Variants in KIF16B observed in about 807,000 individuals in gnomAD.
The protein encoded by KIF16B is kinesin-like protein KIF16B.
A neutral mutation model predicts 156.3 loss-of-function variants in KIF16B; 98 were observed. The ratio of observed to expected loss-of-function variants is 0.63; its 90% CI spans 0.53 to 0.74. The LOEUF is 0.74. Among genes scored for constraint, KIF16B ranks in the 30% least tolerant of loss-of-function variants. The pLI is 0.00. For missense variants in KIF16B, 1,421 were observed against 1,606.5 expected (o/e 0.88, Z 1.97); for synonymous variants, 564 against 583.7 (o/e 0.97, Z 0.49).
chr20:16,501,269 TTGAATTCTTGGTTCAATACCAAG>T, intron 10 of KIF16B, among the ~76,000 whole-genome samples: 1 of 59,732 alleles, frequency 1.7e-5, no homozygotes, highest in African/African-American at 4.4e-5. Context: ...ACACCAAGAA[TTGAATTCTTGGTTCAATACCAAG>T]AATTGAATTC....
At chr20:16,541,825 G>A (rs1318064788) in intron 1 of KIF16B, among the ~76,000 whole-genome samples, 1 of 152,200 alleles carries the variant, frequency 6.6e-6, no homozygotes, top group Non-Finnish European at 1.5e-5. Flanking sequence ...GGCAGTCCTG[G>A]GGCTAGCGTG....
chr20:16,564,456 G>T (rs898069393), intron 1 of KIF16B, among the ~76,000 whole-genome samples: 3 of 151,946 alleles, frequency 2.0e-5, no homozygotes, highest in Admixed American at 6.6e-5. Flanking sequence ...GGTGGGAATT[G>T]AACAATGAGA....
chr20:16,361,425 C>A (rs1221944146), intron 22 of KIF16B, among the ~76,000 whole-genome samples: 2 of 152,156 alleles, frequency 1.3e-5, no homozygotes, highest in African/African-American at 4.8e-5. Context: ...CTATCCATTT[C>A]CAGTAGAGAA....
At chr20:16,554,291 A>G (rs2070769025) in intron 1 of KIF16B, among the ~76,000 whole-genome samples, 1 of 152,192 alleles carries the variant, frequency 6.6e-6, no homozygotes, top group African/African-American at 2.4e-5. Context: ...CCCAGGATTC[A>G]GCCAGACTCG....
At chr20:16,372,431 G>A (rs761584940) in intron 20 of KIF16B, among the ~76,000 whole-genome samples, 17 of 152,204 alleles carry the variant, frequency 1.1e-4, no homozygotes, top group Non-Finnish European at 2.1e-4. Context: ...ACTGACTTTT[G>A]AAGCAGTGTC....
At chr20:16,522,770 T>G (rs532149677) in intron 3 of KIF16B, among the ~76,000 whole-genome samples, 32 of 152,222 alleles carry the variant, frequency 2.1e-4, no homozygotes, top group African/African-American at 7.2e-4. Flanking sequence ...TAATTGGAAG[T>G]AAAACACTCC....
chr20:16,462,665 T>TA lies in KIF16B; in HGVS notation c.1302+31625dup, dbSNP rs545383429. 1.5e-3 allele frequency among the ~76,000 whole-genome samples: 231 copies of TA among 152,050 alleles called. 2 individuals carry two copies. Among genetic ancestry groups the TA allele is most frequent in the African/African-American group, 5.2e-3 (215 of 41,422 alleles). ...CTCAAAAAAAAATTATTTAGACAGT[T>TA]AGAGAGGGTAAGAGAGTCCTTGGCA... On this transcript the variant is annotated intron_variant, in intron 12 of 25. Transcript: ENST00000354981.
At chr20:16,319,545 A>T (rs972064423) in intron 24 of KIF16B, among the ~76,000 whole-genome samples, 5 of 152,230 alleles carry the variant, frequency 3.3e-5, no homozygotes, top group African/African-American at 1.2e-4. Flanking sequence ...CAGACTGCAG[A>T]GACAGACAGG....
At chr20:16,409,939 A>T (rs550348257) in intron 15 of KIF16B, among the ~76,000 whole-genome samples, 1 of 116,066 alleles carries the variant, frequency 8.6e-6, no homozygotes, top group African/African-American at 3.5e-5. Flanking sequence ...CTTCCTACCC[A>T]CTTACCTACA....
intron 3 of KIF16B, among the ~76,000 whole-genome samples, chr20:16,524,856 A>T (rs1456675678): frequency 6.6e-6 from 1 of 152,216 alleles, no homozygotes; most frequent in East Asian, 1.9e-4. Flanking sequence ...ATAAAAAAGG[A>T]TGAGTTGATG....
At chr20:16,350,797 G>A (rs917217123) in intron 23 of KIF16B, among the ~76,000 whole-genome samples, 3 of 151,770 alleles carry the variant, frequency 2.0e-5, no homozygotes, top group Non-Finnish European at 4.4e-5. Context: ...CAGACAGGCT[G>A]TGCCTAATGA....
chr20:16,398,588 C>G (rs113237451), intron 17 of KIF16B, among the ~76,000 whole-genome samples: 67 of 152,264 alleles, frequency 4.4e-4, no homozygotes, highest in African/African-American at 1.4e-3. Context: ...CATGTACTGA[C>G]CACATTGTCC....
At chr20:16,292,913 A>C (rs1314833876) in intron 25 of KIF16B, among the ~76,000 whole-genome samples, 2 of 152,244 alleles carry the variant, frequency 1.3e-5, no homozygotes, top group Non-Finnish European at 2.9e-5. Flanking sequence ...CAAGCAAAGA[A>C]AGAATCAGGT....
chr20:16,430,639 T>C (rs77307449), intron 12 of KIF16B, among the ~76,000 whole-genome samples: 4,246 of 152,106 alleles, frequency 0.028, 206 homozygotes, highest in African/African-American at 0.095. Flanking sequence ...CCTTCCCTCT[T>C]ACTCTCTCTT....
chr20:16,353,090 G>A (rs761555620), intron 23 of KIF16B, among the ~76,000 whole-genome samples: 2 of 152,164 alleles, frequency 1.3e-5, no homozygotes, highest in Non-Finnish European at 2.9e-5. Context: ...ATCTATGTAT[G>A]TACATTGATG....
intron 23 of KIF16B, among the ~76,000 whole-genome samples, chr20:16,349,456 A>G (rs780565854): frequency 6.6e-6 from 1 of 152,230 alleles, no homozygotes; most frequent in Non-Finnish European, 1.5e-5. Flanking sequence ...CACCTGCCCT[A>G]AGAGGAGCTG....
At chr20:16,463,081 T>C (rs2067392244) in intron 12 of KIF16B, among the ~76,000 whole-genome samples, 1 of 152,214 alleles carries the variant, frequency 6.6e-6, no homozygotes, top group African/African-American at 2.4e-5. Flanking sequence ...GCTCCCTATG[T>C]AAATCAGACA....
chr20:16,354,531 C>T lies in KIF16B; in HGVS notation c.3621+1799G>A, dbSNP rs371800786. 9.3e-5 allele frequency among the ~76,000 whole-genome samples: 14 copies of T among 151,138 alleles called. No homozygotes were observed. The East Asian group carries it at 2.7e-3, about 29-fold the overall frequency. On this transcript the variant is annotated intron_variant, in intron 23 of 25. Transcript: ENST00000354981. Reference sequence around the variant, plus strand: ...ACACACAATTTAGAATGGTTGAGAACAAATGAAAAAGAAATTGACCAGGAG... The same window carrying T: ...ACACACAATTTAGAATGGTTGAGAATAAATGAAAAAGAAATTGACCAGGAG...
intron 24 of KIF16B, among the ~76,000 whole-genome samples, chr20:16,335,309 A>C (rs1379540234): frequency 6.6e-6 from 1 of 152,230 alleles, no homozygotes; most frequent in Non-Finnish European, 1.5e-5. Flanking sequence ...CCTTCTAGGA[A>C]TACTTTGCTT....
Sources: gnomAD v4.1 joint callset for allele counts (sites outside exome capture counted in the v4.1 genomes callset) on GRCh38, gnomAD v4.1.1 for gene constraint, MANE v1.5 for transcripts, NCBI Gene and HGNC (gene_info 2026-07-23, HGNC 2026-07-21) for gene names.